SEPTIN6: variants seen among roughly 807,000 people sequenced by gnomAD.
SEPTIN6 encodes septin-6.
SEPTIN6 carries 8 observed loss-of-function variants against 33.6 expected under a neutral mutation model. The observed-to-expected ratio is 0.24, with a 90% CI of 0.14 to 0.43. The LOEUF is 0.43. Among genes scored for constraint, SEPTIN6 ranks in the 20% least tolerant of loss-of-function variants. SEPTIN6 has a pLI of 1.00. For synonymous variants in SEPTIN6, 131 were observed against 140.0 expected (o/e 0.94, Z 0.45); for missense variants, 250 against 340.8 (o/e 0.73, Z 2.10).
intron 5 of SEPTIN6, among the ~76,000 whole-genome samples, chrX:119,644,840 G>C (rs1026550421): frequency 4.6e-5 from 5 of 108,346 alleles, no homozygotes; most frequent in South Asian, 8.0e-4. Context: ...GACAGAGCGA[G>C]ACTCCATCTC....
chrX:119,623,858 C>CA (rs745666542), intron 10 of SEPTIN6, among the ~76,000 whole-genome samples: 1 of 110,773 alleles, frequency 9.0e-6, no homozygotes, highest in East Asian at 2.8e-4. Context: ...AACAAACAAA[C>CA]AAAAAAAACC....
chrX:119,690,723 CAAAAAAAA>C (rs772333455), intron 1 of SEPTIN6, among the ~76,000 whole-genome samples: 6 of 23,027 alleles, frequency 2.6e-4, no homozygotes, highest in African/African-American at 8.1e-4. Flanking sequence ...GACTCCGTCT[CAAAAAAAA>C]AAAAAAAAAA....
At chrX:119,645,236 CTTTTTTT>C (rs757199588) in intron 5 of SEPTIN6, among the ~76,000 whole-genome samples, 8 of 71,168 alleles carry the variant, frequency 1.1e-4, no homozygotes, top group Non-Finnish European at 1.8e-4. Flanking sequence ...AAGGCCCTAC[CTTTTTTT>C]TTTTTTTTTT....
intron 3 of SEPTIN6, among the ~76,000 whole-genome samples, chrX:119,655,098 A>AT (rs1466259027): frequency 9.1e-6 from 1 of 109,785 alleles, no homozygotes; most frequent in Non-Finnish European, 1.9e-5. Context: ...TAAAAAGTGC[A>AT]TTTTTTAGCT....
chrX:119,616,310 C>A (rs776800807), downstream of SEPTIN6: 1 of 314,041 alleles, frequency 3.2e-6, no homozygotes, highest in Non-Finnish European at 5.8e-6. Context: ...GTCAACCCAT[C>A]GAACCAGAGA....
At position 119,619,429 on chromosome X, in the gene SEPTIN6, G is replaced by C. The variant is rs2053713012; in HGVS notation, c.*664C>G. On this transcript the variant is annotated 3_prime_UTR_variant, in exon 11 of 11. Coordinates refer to ENST00000394610, the MANE Select transcript of SEPTIN6 (RefSeq NM_145799.4). ...TTCAGCAGTTGTGTTTTATGGGAAG[G>C]GCTTGGTGTAAATAAATGCGTTGCC... 1.6e-5 allele frequency: 13 copies of C among 815,258 alleles called. No homozygotes were observed. Among genetic ancestry groups the C allele is most frequent in the Non-Finnish European group, 1.8e-5 (12 of 676,912 alleles). 67.2% of individuals were successfully genotyped at this position (815,258 alleles called of 1,213,427 possible). A position where few individuals can be genotyped will look rare whatever the true frequency, so the allele number is the denominator to read the frequency against.
In SEPTIN6 at chrX:119,617,207, G is replaced by A. The variant is rs2053680106; in HGVS notation, c.*2886C>T. 3 of 803,688 alleles carry A rather than the reference G, an allele frequency of 3.7e-6. No individual in the cohort carries two copies. The South Asian group carries it at 2.0e-4, about 52-fold the overall frequency. The allele number at this position is 803,688 out of a possible 1,213,427, so 66.2% of individuals were successfully genotyped here. Reference sequence around the variant, plus strand: ...AAGCACAGACCATTTCTAATGACTGGTTTTGTTTCACCAGAAGTAAACAGA... The same window carrying A: ...AAGCACAGACCATTTCTAATGACTGATTTTGTTTCACCAGAAGTAAACAGA... On this transcript the variant is annotated 3_prime_UTR_variant, in exon 11 of 11. Coordinates refer to ENST00000394610, the MANE Select transcript of SEPTIN6 (RefSeq NM_145799.4).
At chrX:119,635,008 C>CAAA (rs56090830) in intron 7 of SEPTIN6, 341 of 145,769 alleles carry the variant, frequency 2.3e-3, no homozygotes, top group Admixed American at 3.8e-3. Context: ...GACTCTGTCT[C>CAAA]AAAAAAAAAA....
At chrX:119,640,560 C>A in intron 6 of SEPTIN6, 132 bp downstream of exon 6, 1 of 499,422 alleles carries the variant, frequency 2.0e-6, no homozygotes. Context: ...ACCCCTATGG[C>A]TATTTGGGAC....
intron 10 of SEPTIN6, among the ~76,000 whole-genome samples, chrX:119,622,829 G>A (rs893822714): frequency 1.8e-5 from 2 of 111,832 alleles, no homozygotes; most frequent in African/African-American, 3.2e-5. Flanking sequence ...ACTTCACTAC[G>A]CACTGGAACT....
chrX:119,652,700 G>A (rs1016349863), intron 4 of SEPTIN6, among the ~76,000 whole-genome samples, 154 bp downstream of exon 4: 1 of 110,981 alleles, frequency 9.0e-6, no homozygotes, highest in Non-Finnish European at 1.9e-5. Context: ...AGCTTACGAC[G>A]CTGGTGCTGG....
Position 119,663,472 on chromosome X carries a change from C to T in SEPTIN6, c.341+10G>A. The T allele has an allele frequency of 8.7e-7, 1 of 1,149,175 alleles. No individual in the cohort carries two copies. The highest frequency in any genetic ancestry group is 1.2e-6 in the Non-Finnish European group (1 of 850,262). 94.7% of individuals were successfully genotyped at this position (1,149,175 alleles called of 1,213,427 possible). ...CTCCCCACCCTACCCCACCCCACCG[C>T]CTTCTTTACCTGTCCTCTTTGTTGA... On this transcript the variant is annotated intron_variant, in intron 3 of 10. Coordinates refer to ENST00000394610, the MANE Select transcript of SEPTIN6 (RefSeq NM_145799.4).
intron 5 of SEPTIN6, among the ~76,000 whole-genome samples, chrX:119,648,388 T>C (rs2147526255): frequency 8.9e-6 from 1 of 111,769 alleles, no homozygotes; most frequent in South Asian, 3.7e-4. Flanking sequence ...CTTCCAGACA[T>C]CAGTGCCCGT....
rs772546596 is a variant in SEPTIN6, at chrX:119,618,405, C to A, written c.*1688G>T. The A allele has an allele frequency of 3.1e-5, 26 of 838,675 alleles. No homozygotes were observed. In the African/African-American group the frequency reaches 5.6e-4, roughly 18 times the overall value. 69.1% of individuals were successfully genotyped at this position (838,675 alleles called of 1,213,427 possible). ...GCATATGTTTGCTTTTCATTTTTTT[C>A]TTTTTGCTTCCTATTATGATCTATA... On this transcript the variant is annotated 3_prime_UTR_variant, in exon 11 of 11. Transcript: ENST00000394610.
intron 4 of SEPTIN6, among the ~76,000 whole-genome samples, chrX:119,650,515 G>A (rs1475571784): frequency 8.9e-6 from 1 of 112,025 alleles, no homozygotes; most frequent in Non-Finnish European, 1.9e-5. Context: ...TTGATGAGCT[G>A]TATGTTATCT....
At chrX:119,620,090 G>C in intron 10 of SEPTIN6, 39 bp from the exon 11 acceptor site, 1 of 980,657 alleles carries the variant, frequency 1.0e-6, no homozygotes, top group Admixed American at 3.0e-5. Flanking sequence ...TGAATGGATA[G>C]ATTAATGTAC....
chrX:119,665,620 G>C (rs1177923066), intron 2 of SEPTIN6, among the ~76,000 whole-genome samples: 2 of 111,397 alleles, frequency 1.8e-5, no homozygotes, highest in African/African-American at 6.5e-5. Flanking sequence ...CAAGACTTCA[G>C]GGAATGGGAC....
intron 4 of SEPTIN6, 110 bp downstream of exon 4, chrX:119,652,744 A>C: frequency 1.7e-6 from 1 of 583,986 alleles, no homozygotes; most frequent in Non-Finnish European, 2.7e-6. Flanking sequence ...GGGACAGGGA[A>C]TGAGGGAGAG....
chrX:119,651,318 G>A (rs1450675555), intron 4 of SEPTIN6, among the ~76,000 whole-genome samples: 1 of 112,164 alleles, frequency 8.9e-6, no homozygotes, highest in African/African-American at 3.2e-5. Flanking sequence ...TTGCCAAGAT[G>A]AAACAGCAGG....
Sources: gnomAD v4.1 joint callset for allele counts (sites outside exome capture counted in the v4.1 genomes callset) on GRCh38, gnomAD v4.1.1 for gene constraint, MANE v1.5 for transcripts, NCBI Gene and HGNC (gene_info 2026-07-23, HGNC 2026-07-21) for gene names.